Variants in PRMT8 observed in about 807,000 individuals in gnomAD.
The protein encoded by PRMT8 is protein arginine methyltransferase 8.
In PRMT8, 7 loss-of-function variants were observed where a neutral mutation model predicts 47.1. The ratio of observed to expected loss-of-function variants is 0.15; its 90% CI spans 0.08 to 0.28. PRMT8 has a LOEUF of 0.28. Among genes scored for constraint, PRMT8 ranks in the 10% least tolerant of loss-of-function variants. The pLI, the probability that PRMT8 is intolerant of heterozygous loss-of-function variation, is 1.00. For synonymous variants in PRMT8, 188 were observed against 186.5 expected, an observed-to-expected ratio of 1.01 and a Z score of -0.07; for missense variants, 237 against 505.4, an observed-to-expected ratio of 0.47 and a Z score of 5.09.
chr12:3,397,309 T>C (rs1358819895), intron 1 of PRMT8, among the ~76,000 whole-genome samples: 1 of 151,890 alleles, frequency 6.6e-6, no homozygotes, highest in Non-Finnish European at 1.5e-5. Flanking sequence ...GTTTCCAGTT[T>C]TTCTGCTCTG....
rs1391336350 is a variant in PRMT8 at position 3,566,566 on chromosome 12, T to C, written c.482-2140T>C. The stretch of plus-strand genomic sequence containing the variant: ...AATTAAAGCTTGATTAAATACCACA[T>C]AGTGGAGAGTAAACTGTTATTAGAA... On this transcript the variant is annotated intron_variant, in intron 4 of 9. Coordinates refer to ENST00000382622, the MANE Select transcript of PRMT8 (RefSeq NM_019854.5). This position sits in a 1 kb window ranked among gnomAD's most constrained non-coding sequence, Gnocchi z 4.7. Among the ~76,000 whole-genome samples, 1 of 152,190 alleles carries C rather than the reference T, an allele frequency of 6.6e-6. No homozygotes were observed. Among genetic ancestry groups the C allele is most frequent in the Non-Finnish European group, 1.5e-5 (1 of 68,032 alleles).
chr12:3,568,559 C>G, intron 4 of PRMT8, 147 bp from the exon 5 acceptor site: 2 of 825,874 alleles, frequency 2.4e-6, no homozygotes, highest in African/African-American at 3.4e-5. Context: ...TTGGTATAAA[C>G]TAGTTTGGTA....
At chr12:3,506,587 C>T (rs927098033) in intron 1 of PRMT8, among the ~76,000 whole-genome samples, 2 of 152,214 alleles carry the variant, frequency 1.3e-5, no homozygotes, top group African/African-American at 4.8e-5. Context: ...GCCTACCGCA[C>T]TCCAGGCTCA....
intron 1 of PRMT8, among the ~76,000 whole-genome samples, chr12:3,522,388 G>A (rs1865892533): frequency 1.3e-5 from 2 of 152,182 alleles, no homozygotes; most frequent in East Asian, 1.9e-4. Context: ...AGCTCAGGCC[G>A]GGCGCGGTGG....
At chr12:3,560,303 A>G (rs144113369) in intron 4 of PRMT8, among the ~76,000 whole-genome samples, 19 of 152,294 alleles carry the variant, frequency 1.2e-4, no homozygotes, top group South Asian at 4.1e-4. Flanking sequence ...GGGGCATAGA[A>G]TACCTGCTTC....
chr12:3,536,012 G>A (rs984513670), intron 1 of PRMT8, among the ~76,000 whole-genome samples: 9 of 152,170 alleles, frequency 5.9e-5, no homozygotes, highest in African/African-American at 2.2e-4. Flanking sequence ...AGAGCCTTCA[G>A]TTGTGGCTGA....
In PRMT8 at chr12:3,491,581, C is replaced by A; in HGVS notation, c.-45C>A. 1 of 1,594,546 alleles carries A rather than the reference C, an allele frequency of 6.3e-7. No individual in the cohort carries two copies. Among genetic ancestry groups the A allele is most frequent in the Non-Finnish European group, 8.5e-7 (1 of 1,171,854 alleles). ...TCTTTTAAAGCGACACCAGCTCTCTCTCCTCCTCTACTATCTCGGTATCAC... is the reference window on the plus strand; with the variant it reads ...TCTTTTAAAGCGACACCAGCTCTCTATCCTCCTCTACTATCTCGGTATCAC... On this transcript the variant is annotated 5_prime_UTR_variant, in exon 1 of 10. Coordinates refer to ENST00000382622, the MANE Select transcript of PRMT8 (RefSeq NM_019854.5).
upstream of PRMT8, among the ~76,000 whole-genome samples, chr12:3,486,551 G>T (rs1865325332): frequency 6.6e-6 from 1 of 152,134 alleles, no homozygotes; most frequent in Non-Finnish European, 1.5e-5. Context: ...GGCTTTCAGG[G>T]ATTCCAGAGA....
intron 1 of PRMT8, among the ~76,000 whole-genome samples, chr12:3,527,565 T>C (rs957649054): frequency 1.9e-4 from 29 of 152,302 alleles, no homozygotes; most frequent in African/African-American, 6.3e-4. Context: ...GAGACTACTG[T>C]ATAGAAACCT....
chr12:3,381,863 C>A (rs1386997260), intron 1 of PRMT8, among the ~76,000 whole-genome samples: 1 of 152,164 alleles, frequency 6.6e-6, no homozygotes, highest in African/African-American at 2.4e-5. Flanking sequence ...GCCCACTTCC[C>A]TCCCACCTCC....
intron 1 of PRMT8, among the ~76,000 whole-genome samples, chr12:3,422,262 C>T (rs956051549): frequency 4.6e-5 from 7 of 152,198 alleles, no homozygotes; most frequent in Non-Finnish European, 1.5e-5. Flanking sequence ...TTCGTGGTTA[C>T]CTGGACAGAA....
intron 8 of PRMT8, 80 bp from the exon 9 acceptor site, chr12:3,592,151 T>C: frequency 3.4e-6 from 5 of 1,457,062 alleles, no homozygotes; most frequent in Non-Finnish European, 4.5e-6. Flanking sequence ...GCAACTTCTA[T>C]GCAGGGTCCC....
intron 1 of PRMT8, among the ~76,000 whole-genome samples, chr12:3,485,914 A>C (rs1345308754): frequency 6.6e-6 from 1 of 152,226 alleles, no homozygotes; most frequent in African/African-American, 2.4e-5. Context: ...GAATGGTTAC[A>C]TGGTCCAGAA....
intron 1 of PRMT8, among the ~76,000 whole-genome samples, chr12:3,520,620 G>T (rs1865866619): frequency 6.6e-6 from 1 of 152,146 alleles, no homozygotes; most frequent in Non-Finnish European, 1.5e-5. Context: ...TTGTAAGTGG[G>T]TCATCCCAAG....
intron 2 of PRMT8, among the ~76,000 whole-genome samples, chr12:3,543,753 G>A (rs1471987901): frequency 6.6e-6 from 1 of 152,196 alleles, no homozygotes; most frequent in Non-Finnish European, 1.5e-5. Context: ...AGGGGCTAGC[G>A]AGAGGAAGAC....
intron 1 of PRMT8, among the ~76,000 whole-genome samples, chr12:3,521,891 G>A (rs1047283132): frequency 1.3e-5 from 2 of 148,262 alleles, no homozygotes; most frequent in Admixed American, 1.4e-4. Flanking sequence ...CCTAAATTTG[G>A]CCTGGTAGAA....
chr12:3,566,914 C>T lies in PRMT8; in HGVS notation c.482-1792C>T, dbSNP rs1208437701. ...CCAATACATCAGCCTGCCAATTTAA[C>T]AGTGGTATCTAAACTAGCTTGCTCA... On this transcript the variant is annotated intron_variant, in intron 4 of 9. Transcript: ENST00000382622. This position sits in a 1 kb window ranked among gnomAD's most constrained non-coding sequence, Gnocchi z 4.7. 1.3e-5 allele frequency among the ~76,000 whole-genome samples: 2 copies of T among 152,218 alleles called. No homozygotes were observed. Among genetic ancestry groups the T allele is most frequent in the Non-Finnish European group, 2.9e-5 (2 of 68,042 alleles).
intron 7 of PRMT8, among the ~76,000 whole-genome samples, chr12:3,581,005 G>C (rs1388970670): frequency 6.6e-6 from 1 of 152,224 alleles, no homozygotes; most frequent in Non-Finnish European, 1.5e-5. Context: ...CACGCTAACA[G>C]ATGACATGTA....
rs1245065812 is a variant in PRMT8 at position 3,436,674 on chromosome 12, A to G, written c.48+55232A>G. ...ATAATTGGGTTACGGGGCTGCTAAT[A>G]TGATTGTGCTGCCTGGAAATGCAAA... On this transcript the variant is annotated intron_variant, in intron 1 of 9. Transcript: ENST00000452611. The surrounding 1 kb of genome is among the most constrained non-coding windows in gnomAD (Gnocchi z 4.2). 6.6e-6 allele frequency among the ~76,000 whole-genome samples: 1 copy of G among 152,172 alleles called. No individual in the cohort carries two copies. The highest frequency in any genetic ancestry group is 1.9e-4 in the East Asian group (1 of 5,198).
Sources: gnomAD v4.1 joint callset for allele counts (sites outside exome capture counted in the v4.1 genomes callset) on GRCh38, gnomAD v4.1.1 for gene constraint, Gnocchi (gnomAD v3.1) non-coding constraint, MANE v1.5 for transcripts, NCBI Gene and HGNC (gene_info 2026-07-23, HGNC 2026-07-21) for gene names.